DNAH1: variants seen among roughly 807,000 people sequenced by gnomAD.
DNAH1 encodes axonemal beta dynein heavy chain 1.
A neutral mutation model predicts 484.3 loss-of-function variants in DNAH1; 327 were observed. That is an observed-to-expected ratio of 0.68 (90% CI 0.62 to 0.74). The LOEUF is 0.74. Ranked by LOEUF, DNAH1 falls within the 30% of genes least tolerant of loss-of-function variation. The probability of loss-of-function intolerance (pLI) is 0.00; values close to 1 mark genes in which losing one functional copy is unlikely to be tolerated. For missense variants in DNAH1, 5,052 were observed against 5,546.8 expected (o/e 0.91, Z 2.83); for synonymous variants, 2,192 against 2,191.9 (o/e 1.00, Z 0.00).
At chr3:52,392,069 C>T (rs1054373174) in intron 63 of DNAH1, among the ~76,000 whole-genome samples, 1 of 152,246 alleles carries the variant, frequency 6.6e-6, no homozygotes, top group African/African-American at 2.4e-5. Context: ...GCCCATAGGC[C>T]TGCTTTGTGC....
chr3:52,371,908 G>A, intron 41 of DNAH1, 38 bp from the exon 42 acceptor site: 1 of 1,605,796 alleles, frequency 6.2e-7, no homozygotes, highest in South Asian at 1.1e-5. Context: ...GGGCAGGGAG[G>A]GGTTCCAGGC....
chr3:52,352,779 C>A (rs780792401), intron 18 of DNAH1, 72 bp downstream of exon 18: 31 of 1,525,502 alleles, frequency 2.0e-5, no homozygotes, highest in Non-Finnish European at 2.7e-5. Context: ...ATGCAGCTGC[C>A]AGGAGGCAGG....
At chr3:52,320,363 A>T (rs1434219294) in intron 1 of DNAH1, among the ~76,000 whole-genome samples, 1 of 152,206 alleles carries the variant, frequency 6.6e-6, no homozygotes, top group African/African-American at 2.4e-5. Flanking sequence ...GAGTCCCGCT[A>T]GGGGAGGCCG....
intron 8 of DNAH1, among the ~76,000 whole-genome samples, chr3:52,341,485 C>G (rs1249835544): frequency 6.6e-6 from 1 of 150,490 alleles, no homozygotes; most frequent in African/African-American, 2.4e-5. Context: ...ATGGCACCAC[C>G]GTATTTGTCC....
chr3:52,325,811 A>T lies in DNAH1; in HGVS notation c.407-329A>T, dbSNP rs74435749. 5.3e-5 allele frequency among the ~76,000 whole-genome samples: 8 copies of T among 151,710 alleles called. No homozygotes were observed. In the East Asian group the frequency reaches 1.6e-3, roughly 29 times the overall value. On this transcript the variant is annotated intron_variant, in intron 3 of 77. Transcript: ENST00000420323. Reference sequence around the variant, plus strand: ...TTTCATCTTCCTATCCAGTGGTAACACTCTCCCTTGTTGAACTCAACACCT... The same window carrying T: ...TTTCATCTTCCTATCCAGTGGTAACTCTCTCCCTTGTTGAACTCAACACCT...
chr3:52,340,417 T>C (rs1444482304), intron 8 of DNAH1, among the ~76,000 whole-genome samples: 1 of 150,574 alleles, frequency 6.6e-6, no homozygotes, highest in African/African-American at 2.4e-5. Flanking sequence ...ATTTTATTTA[T>C]TTATTTATTT....
At chr3:52,398,248 C>A in intron 75 of DNAH1, 86 bp downstream of exon 75, 1 of 1,469,894 alleles carries the variant, frequency 6.8e-7, no homozygotes. Context: ...GGGCCAGGTG[C>A]CATGCCAAGT....
chr3:52,398,063 T>C lies in DNAH1; in HGVS notation c.11990T>C (p.Leu3997Pro). ...IVEDVTQNIL[L>P]KVPEPINLQW... ...GAGGACGTCACCCAAAACATTCTGC[T>C]CAAGGTGCCTGAGCCTATCAACTTG... is the stretch of plus-strand genomic sequence containing the variant. Residue 3997 changes from leucine (L) to proline (P), a missense_variant, in exon 75 of 78, where the codon CTC becomes CCC. Physicochemically the swap from Leu to Pro is moderately conservative, Grantham distance 98. This residue lies in a region of DNAH1 where 853 missense variants were observed against 899.0 expected (regional missense o/e 0.95). Coordinates refer to ENST00000420323, the MANE Select transcript of DNAH1 (RefSeq NM_015512.5). The C allele has an allele frequency of 6.2e-7, 1 of 1,613,842 alleles. No individual in the cohort carries two copies. Among genetic ancestry groups the C allele is most frequent in the Non-Finnish European group, 8.5e-7 (1 of 1,179,852 alleles).
In DNAH1 at chr3:52,379,830, C is replaced by A; in HGVS notation, c.7378-75C>A. Reference sequence around the variant, plus strand: ...GGCCCCAGGAACTGGGGCCCACCCTCCCTTGCCTGGTGGTTTGAGAGATAG... The same window carrying A: ...GGCCCCAGGAACTGGGGCCCACCCTACCTTGCCTGGTGGTTTGAGAGATAG... On this transcript the variant is annotated intron_variant, in intron 47 of 77. Coordinates refer to ENST00000420323, the MANE Select transcript of DNAH1 (RefSeq NM_015512.5). This position sits in a 1 kb window ranked among gnomAD's most constrained non-coding sequence, Gnocchi z 4.4. 7.3e-7 allele frequency: 1 copy of A among 1,361,706 alleles called. No individual in the cohort carries two copies. Among genetic ancestry groups the A allele is most frequent in the Non-Finnish European group, 1.0e-6 (1 of 996,852 alleles). 84.4% of individuals were successfully genotyped at this position (1,361,706 alleles called of 1,614,324 possible).
At chr3:52,327,394 G>T (rs186896260) in intron 5 of DNAH1, among the ~76,000 whole-genome samples, 2 of 152,288 alleles carry the variant, frequency 1.3e-5, no homozygotes, top group Admixed American at 1.3e-4. Context: ...CTGCGGCCCT[G>T]AGTGTCTCTC....
At chr3:52,382,739 C>T (rs534629138) in intron 50 of DNAH1, among the ~76,000 whole-genome samples, 1 of 152,352 alleles carries the variant, frequency 6.6e-6, no homozygotes, top group South Asian at 2.1e-4. Context: ...TGGTGTCCCA[C>T]CTCAAGGACC....
chr3:52,388,373 C>A (rs1287444159), intron 57 of DNAH1, 39 bp downstream of exon 57: 2 of 1,600,136 alleles, frequency 1.2e-6, no homozygotes, highest in East Asian at 2.3e-5. Context: ...GGGCTCCCCT[C>A]CCGGGGGTAC....
chr3:52,384,183 C>T lies in DNAH1; in HGVS notation c.8322+152C>T, dbSNP rs79627638. 8.5e-5 allele frequency among the ~76,000 whole-genome samples: 13 copies of T among 152,354 alleles called. No individual in the cohort carries two copies. The East Asian group carries it at 2.5e-3, about 29-fold the overall frequency. On this transcript the variant is annotated intron_variant, in intron 52 of 77. Coordinates refer to ENST00000420323, the MANE Select transcript of DNAH1 (RefSeq NM_015512.5). ...TGTTTCCTGTCTAAGCCTCCATTTC[C>T]TCATCTGTAAATGCGCAGAGCCACA...
Position 52,373,035 on chromosome 3 carries a change from T to C in DNAH1, c.6967T>C (p.Tyr2323His). The C allele has an allele frequency of 6.2e-7, 1 of 1,612,398 alleles. No individual in the cohort carries two copies. Among genetic ancestry groups the C allele is most frequent in the Non-Finnish European group, 8.5e-7 (1 of 1,179,540 alleles). The change falls in exon 44 of 78, where the codon TAC becomes CAC. Residue 2323 changes from tyrosine (Y) to histidine (H), a missense_variant. Coordinates refer to ENST00000420323, the MANE Select transcript of DNAH1 (RefSeq NM_015512.5). ...LRQWMDHGGW[Y>H]DRKIIGAFKN... ...CCAGTGGATGGACCACGGCGGCTGG[T>C]ACGACCGCAAGATCATTGGTGAGTG...
intron 15 of DNAH1, 128 bp from the exon 16 acceptor site, chr3:52,350,380 C>G (rs1312409563): frequency 9.8e-7 from 1 of 1,020,260 alleles, no homozygotes; most frequent in Non-Finnish European, 1.5e-6. Context: ...GCCTCCTCCC[C>G]TGGCCCAGAC....
At chr3:52,394,138 A>G (rs144639137) in intron 66 of DNAH1, among the ~76,000 whole-genome samples, 1 of 152,376 alleles carries the variant, frequency 6.6e-6, no homozygotes, top group African/African-American at 2.4e-5. Context: ...CCCTGCCGAG[A>G]CAGTGAGAGT....
rs774933290 is a variant in DNAH1, at chr3:52,346,647, T to C, written c.1832T>C (p.Leu611Pro). ...GTGAAGTACATGCTGCAGGACACAC[T>C]GCGCTTCCTGGTGCAGGACTCACTT... is the stretch of plus-strand genomic sequence containing the variant. ...ELVKYMLQDT[L>P]RFLVQDSLAS... is the part of the protein sequence containing the mutation. The change falls in exon 11 of 78, where the codon CTG (leucine) becomes CCG (proline). Residue 611 changes from leucine to proline, a missense_variant. Leu to Pro is a moderately conservative substitution (Grantham distance 98). This residue lies in a region of DNAH1 where 1,263 missense variants were observed against 1,218.8 expected (regional missense o/e 1.04). Coordinates refer to ENST00000420323, the MANE Select transcript of DNAH1 (RefSeq NM_015512.5). The C allele has an allele frequency of 6.2e-7, 1 of 1,614,064 alleles. No homozygotes were observed. The highest frequency in any genetic ancestry group is 1.1e-5 in the South Asian group (1 of 91,086).
At chr3:52,377,563 T>A (rs541965041) in intron 46 of DNAH1, among the ~76,000 whole-genome samples, 1 of 152,054 alleles carries the variant, frequency 6.6e-6, no homozygotes, top group East Asian at 1.9e-4. Flanking sequence ...GTCTTGACAA[T>A]GGTAGGCAAA....
At chr3:52,371,813 CCCTGCA>C (rs1156335704) in intron 41 of DNAH1, 127 bp from the exon 42 acceptor site, 10 of 1,320,736 alleles carry the variant, frequency 7.6e-6, no homozygotes, top group Middle Eastern at 2.5e-4. Flanking sequence ...CCGGAAGCAG[CCCTGCA>C]CCTGGACCCG....
Sources: allele counts gnomAD v4.1 joint callset (sites outside exome capture counted in the v4.1 genomes callset), GRCh38; gene constraint gnomAD v4.1.1; regional missense constraint gnomAD v4.1.1; non-coding constraint Gnocchi (gnomAD v3.1); transcripts MANE v1.5; gene names NCBI Gene and HGNC (gene_info 2026-07-23, HGNC 2026-07-21).